RNF220: variants seen among roughly 807,000 people sequenced by gnomAD.
RNF220 encodes E3 ubiquitin-protein ligase RNF220.
A neutral mutation model predicts 67.1 loss-of-function variants in RNF220; 7 were observed. That is an observed-to-expected ratio of 0.10 (90% CI 0.06 to 0.20). The LOEUF (loss-of-function observed/expected upper bound fraction) is 0.20. Ranked by LOEUF, RNF220 falls within the 10% of genes least tolerant of loss-of-function variation. RNF220 has a pLI of 1.00. For synonymous variants in RNF220, 270 were observed against 283.2 expected (o/e 0.95, Z 0.47); for missense variants, 565 against 740.3 (o/e 0.76, Z 2.75).
chr1:44,536,684 GC>G (rs749132334), intron 2 of RNF220, among the ~76,000 whole-genome samples: 1 of 152,074 alleles, frequency 6.6e-6, no homozygotes, highest in African/African-American at 2.4e-5. Flanking sequence ...CCTCGAAAAG[GC>G]CCCCCTCTGC....
intron 8 of RNF220, among the ~76,000 whole-genome samples, chr1:44,637,857 G>A (rs1157633734): frequency 2.6e-5 from 4 of 152,250 alleles, no homozygotes; most frequent in Non-Finnish European, 5.9e-5. Context: ...GAGGGAACAG[G>A]GGCCGGAGGT....
intron 5 of RNF220, among the ~76,000 whole-genome samples, chr1:44,627,963 G>A (rs1418734087): frequency 6.6e-6 from 1 of 152,250 alleles, no homozygotes; most frequent in Non-Finnish European, 1.5e-5. Context: ...GACTCAAACT[G>A]CATAGCCCAA....
intron 2 of RNF220, among the ~76,000 whole-genome samples, chr1:44,469,192 T>G (rs988537721): frequency 2.6e-5 from 4 of 152,196 alleles, no homozygotes; most frequent in African/African-American, 7.2e-5. Flanking sequence ...TGGAGAAGAA[T>G]TGAACTCTAT....
In RNF220 at chr1:44,565,510, T is replaced by C. The variant is rs10890309; in HGVS notation, c.626-48655T>C. On this transcript the variant is annotated intron_variant, in intron 2 of 14. Coordinates refer to ENST00000361799, the MANE Select transcript of RNF220 (RefSeq NM_018150.4). This position sits in a 1 kb window ranked among gnomAD's most constrained non-coding sequence, Gnocchi z 4.2. ...GCTGGGGACAGCAGGCAGGAAGCAG[T>C]GGGCCCATTCCTCAGCGCTAATGCC... Among the ~76,000 whole-genome samples, 75,112 of 152,002 alleles carry C rather than the reference T, an allele frequency of 0.49. 18,886 individuals carry two copies. Among genetic ancestry groups the C allele is most frequent in the African/African-American group, 0.58 (23,907 of 41,468 alleles).
chr1:44,463,576 A>C (rs1424926246), intron 2 of RNF220, among the ~76,000 whole-genome samples: 1 of 151,970 alleles, frequency 6.6e-6, no homozygotes, highest in Non-Finnish European at 1.5e-5. Flanking sequence ...TCATATGCTA[A>C]GCTTCGGATG....
At chr1:44,596,153 A>G (rs952889543) in intron 2 of RNF220, among the ~76,000 whole-genome samples, 3 of 152,228 alleles carry the variant, frequency 2.0e-5, no homozygotes, top group African/African-American at 7.2e-5. Context: ...AACTCAAGGA[A>G]GGGGAGCAGG....
At chr1:44,617,512 C>T (rs1643607374) in intron 3 of RNF220, among the ~76,000 whole-genome samples, 1 of 152,260 alleles carries the variant, frequency 6.6e-6, no homozygotes, top group Admixed American at 6.5e-5. Flanking sequence ...TGATAAATTC[C>T]CAAGGAGCGT....
chr1:44,455,928 GGAA>G (rs1218438081), intron 2 of RNF220, among the ~76,000 whole-genome samples: 1 of 152,216 alleles, frequency 6.6e-6, no homozygotes, highest in Non-Finnish European at 1.5e-5. Context: ...TAAGTGATGA[GGAA>G]GGAGTGGTAC....
intron 2 of RNF220, among the ~76,000 whole-genome samples, chr1:44,424,911 C>T (rs1649601827): frequency 6.6e-6 from 1 of 152,252 alleles, no homozygotes; most frequent in South Asian, 2.1e-4. Flanking sequence ...TGCTGTTGCT[C>T]TGCCGAGAAG....
intron 2 of RNF220, among the ~76,000 whole-genome samples, chr1:44,587,224 G>A (rs151202174): frequency 2.1e-5 from 3 of 144,512 alleles, no homozygotes; most frequent in African/African-American, 2.6e-5. Flanking sequence ...CTCGGCTCAC[G>A]GCAACCTCTG....
At chr1:44,500,046 T>G (rs1013682148) in intron 2 of RNF220, among the ~76,000 whole-genome samples, 2 of 152,198 alleles carry the variant, frequency 1.3e-5, no homozygotes, top group African/African-American at 4.8e-5. Flanking sequence ...ATCTCTCACC[T>G]AGACAATTTC....
At chr1:44,510,726 C>G (rs557010655) in intron 2 of RNF220, among the ~76,000 whole-genome samples, 1 of 152,300 alleles carries the variant, frequency 6.6e-6, no homozygotes, top group South Asian at 2.1e-4. Flanking sequence ...GTTACCATGT[C>G]TCCCCTACCA....
intron 1 of RNF220, among the ~76,000 whole-genome samples, chr1:44,406,957 G>A (rs3905017): frequency 0.019 from 2,926 of 152,314 alleles, 86 homozygotes; most frequent in African/African-American, 0.066. Context: ...CGGGGACTAG[G>A]GCAGCCAGGA....
At chr1:44,613,196 A>T (rs1252010430) in intron 2 of RNF220, among the ~76,000 whole-genome samples, 2 of 150,102 alleles carry the variant, frequency 1.3e-5, no homozygotes, top group African/African-American at 2.5e-5. Flanking sequence ...GCCACAGAGC[A>T]TCCATGGATA....
chr1:44,428,659 T>A (rs1030606407), intron 2 of RNF220, among the ~76,000 whole-genome samples: 1 of 152,058 alleles, frequency 6.6e-6, no homozygotes, highest in East Asian at 1.9e-4. Flanking sequence ...CAAACTGGCC[T>A]CCCTCTTTCC....
intron 2 of RNF220, among the ~76,000 whole-genome samples, chr1:44,602,484 A>G (rs1346332397): frequency 6.6e-6 from 1 of 152,050 alleles, no homozygotes; most frequent in East Asian, 1.9e-4. Flanking sequence ...AGAGGAGTTT[A>G]TTGGCATGGT....
chr1:44,633,567 C>G (rs776853811), intron 6 of RNF220, among the ~76,000 whole-genome samples: 3 of 152,202 alleles, frequency 2.0e-5, no homozygotes, highest in Non-Finnish European at 2.9e-5. Flanking sequence ...AAGCCCAGTC[C>G]ATTGGGGTGC....
intron 2 of RNF220, among the ~76,000 whole-genome samples, chr1:44,486,779 A>G (rs1466631563): frequency 1.3e-5 from 2 of 151,796 alleles, no homozygotes; most frequent in Non-Finnish European, 2.9e-5. Context: ...CTCCACCACC[A>G]CCTCCTAGCT....
chr1:44,595,901 C>A (rs1171671797), intron 2 of RNF220, among the ~76,000 whole-genome samples: 1 of 152,000 alleles, frequency 6.6e-6, no homozygotes, highest in African/African-American at 2.4e-5. Context: ...GTAGCTGGGA[C>A]TACAGGCGCC....
Sources: allele counts gnomAD v4.1 joint callset (sites outside exome capture counted in the v4.1 genomes callset), GRCh38; gene constraint gnomAD v4.1.1; non-coding constraint Gnocchi (gnomAD v3.1); transcripts MANE v1.5; gene names NCBI Gene and HGNC (gene_info 2026-07-23, HGNC 2026-07-21).